LRRK2: variants seen among roughly 807,000 people sequenced by gnomAD.
The protein encoded by LRRK2 is leucine rich repeat kinase 2.
LRRK2 carries 203 observed loss-of-function variants against 302.6 expected under a neutral mutation model. The observed-to-expected ratio is 0.67, with a 90% confidence interval of 0.60 to 0.75. The LOEUF (loss-of-function observed/expected upper bound fraction) is 0.75. Ranked by LOEUF, LRRK2 falls within the 30% of genes least tolerant of loss-of-function variation. The probability of loss-of-function intolerance (pLI) is 0.00; values close to 1 mark genes in which losing one functional copy is unlikely to be tolerated. For missense variants in LRRK2, 2,830 were observed against 2,951.0 expected (o/e 0.96, Z 0.95); for synonymous variants, 1,066 against 1,031.9 (o/e 1.03, Z -0.63).
Position 40,252,606 on chromosome 12 carries a change from CTT to C in LRRK2, c.1182-303_1182-302del, listed in dbSNP as rs547576816. On this transcript the variant is annotated intron_variant, in intron 10 of 50. Coordinates refer to ENST00000298910, the MANE Select transcript of LRRK2 (RefSeq NM_198578.4). ...CTTTACAATTTTCAGTTTTTCCTCTCTTGTTTCCATTCTCTTCTCCTCACTTT... is the reference window on the plus strand; with the variant it reads ...CTTTACAATTTTCAGTTTTTCCTCTCGTTTCCATTCTCTTCTCCTCACTTT... Among the ~76,000 whole-genome samples, 6 of 152,280 alleles carry C rather than the reference CTT, an allele frequency of 3.9e-5. No individual in the cohort carries two copies. In the East Asian group the frequency reaches 9.6e-4, roughly 24 times the overall value.
chr12:40,348,559 A>G (rs375267837), intron 43 of LRRK2, 50 bp downstream of exon 43: 2 of 1,091,588 alleles, frequency 1.8e-6, no homozygotes, highest in African/African-American at 3.1e-5. Flanking sequence ...ATTTGCATAT[A>G]TGCATATATA....
chr12:40,295,533 A>G lies in LRRK2; in HGVS notation c.2985A>G (p.Arg995=). 1 of 1,614,008 alleles carries G rather than the reference A, an allele frequency of 6.2e-7. No homozygotes were observed. Among genetic ancestry groups the G allele is most frequent in the African/African-American group, 1.3e-5 (1 of 75,050 alleles). Residue 995 remains arginine (R), a synonymous_variant, in exon 23 of 51, where the codon AGA becomes AGG. Coordinates refer to ENST00000298910, the MANE Select transcript of LRRK2 (RefSeq NM_198578.4). ...TSLDLSANEL[R]DIDALSQKCC... ...TAGACCTTTCAGCAAATGAACTAAGAGATATTGATGCCCTAAGCCAGAAAT... is the reference window on the plus strand; with the variant it reads ...TAGACCTTTCAGCAAATGAACTAAGGGATATTGATGCCCTAAGCCAGAAAT...
rs11175998 is a variant in LRRK2, at chr12:40,317,414, A to T, written c.4827+2114A>T. On this transcript the variant is annotated intron_variant, in intron 33 of 50. Coordinates refer to ENST00000298910, the MANE Select transcript of LRRK2 (RefSeq NM_198578.4). Reference sequence around the variant, plus strand: ...GCAACTTGTCTGACAGCTATTAGCAAAAATAAATAGGAGTATTCACCTTCA... The same window carrying T: ...GCAACTTGTCTGACAGCTATTAGCATAAATAAATAGGAGTATTCACCTTCA... Among the ~76,000 whole-genome samples the T allele has an allele frequency of 5.5e-4, 84 of 152,268 alleles. 3 individuals carry two copies. In the East Asian group the frequency reaches 0.016, roughly 29 times the overall value.
intron 11 of LRRK2, 39 bp from the exon 12 acceptor site, chr12:40,257,209 T>C (rs200721489): frequency 9.3e-6 from 13 of 1,402,624 alleles, no homozygotes; most frequent in Non-Finnish European, 1.3e-5. Flanking sequence ...TATGAAAATA[T>C]GCTTTCATAT....
intron 41 of LRRK2, 126 bp downstream of exon 41, chr12:40,340,580 G>GA (rs1240901032): frequency 1.0e-6 from 1 of 963,684 alleles, no homozygotes; most frequent in Non-Finnish European, 1.6e-6. Flanking sequence ...TTTATTTTGT[G>GA]AAAAAATGCA....
At chr12:40,295,695 A>G (rs1944360307) in intron 23 of LRRK2, 51 bp downstream of exon 23, 1 of 1,522,532 alleles carries the variant, frequency 6.6e-7, no homozygotes, top group Non-Finnish European at 9.0e-7. Context: ...GAGCTTTTGT[A>G]TTTATATCTA....
intron 31 of LRRK2, among the ~76,000 whole-genome samples, chr12:40,313,696 T>C (rs1411204791): frequency 1.3e-5 from 2 of 151,948 alleles, no homozygotes; most frequent in African/African-American, 4.8e-5. Flanking sequence ...TGTTTTTTTT[T>C]CCATGGAATT....
At chr12:40,265,389 A>T (rs894280670) in intron 14 of LRRK2, among the ~76,000 whole-genome samples, 2 of 152,200 alleles carry the variant, frequency 1.3e-5, no homozygotes, top group Non-Finnish European at 2.9e-5. Flanking sequence ...ATTGCAAAAG[A>T]AAAAGAATAT....
intron 44 of LRRK2, among the ~76,000 whole-genome samples, chr12:40,352,874 C>T (rs10878410): frequency 0.77 from 116,713 of 151,960 alleles, 45,681 homozygotes; most frequent in Non-Finnish European, 0.86. Flanking sequence ...TACACAGACA[C>T]AGCAACAATC....
chr12:40,293,078 T>C (rs1944222054), intron 20 of LRRK2, among the ~76,000 whole-genome samples: 1 of 152,030 alleles, frequency 6.6e-6, no homozygotes, highest in Admixed American at 6.6e-5. Context: ...CTCTCTTTCC[T>C]ATGCTGCTAG....
intron 38 of LRRK2, among the ~76,000 whole-genome samples, chr12:40,327,240 G>A (rs11564175): frequency 0.15 from 22,117 of 152,162 alleles, 1,750 homozygotes; most frequent in African/African-American, 0.19. Flanking sequence ...GAGTAGCAGA[G>A]CTCTTCAAGG....
At chr12:40,281,768 A>T (rs922288838) in intron 18 of LRRK2, among the ~76,000 whole-genome samples, 1 of 152,164 alleles carries the variant, frequency 6.6e-6, no homozygotes, top group Non-Finnish European at 1.5e-5. Flanking sequence ...GATAGTTTGG[A>T]TCCTCCAAGG....
intron 46 of LRRK2, among the ~76,000 whole-genome samples, chr12:40,358,652 T>G (rs1435384609): frequency 6.6e-6 from 1 of 152,192 alleles, no homozygotes. Context: ...AGTCAGGTAG[T>G]GTGATGCCTC....
chr12:40,266,154 G>C (rs931043214), intron 14 of LRRK2, among the ~76,000 whole-genome samples: 8 of 152,114 alleles, frequency 5.3e-5, no homozygotes, highest in African/African-American at 7.2e-5. Context: ...TGACAAATGG[G>C]ATCTAATTAA....
At chr12:40,347,584 G>A (rs2136978911) in intron 42 of LRRK2, among the ~76,000 whole-genome samples, 1 of 152,300 alleles carries the variant, frequency 6.6e-6, no homozygotes. Flanking sequence ...TCAAGATCAT[G>A]GCAAAAGAAA....
At chr12:40,287,691 G>C in intron 20 of LRRK2, 152 bp downstream of exon 20, 1 of 747,916 alleles carries the variant, frequency 1.3e-6, no homozygotes. Context: ...ACTAATTTTG[G>C]TTAAAGTGAT....
chr12:40,351,936 G>A (rs1010471364), intron 44 of LRRK2, among the ~76,000 whole-genome samples: 2 of 152,188 alleles, frequency 1.3e-5, no homozygotes, highest in Non-Finnish European at 2.9e-5. Context: ...AACAGAGCCT[G>A]AGATGGGTTA....
Position 40,351,549 on chromosome 12 carries a change from T to G in LRRK2, c.6392T>G (p.Ile2131Ser), listed in dbSNP as rs1312108198. 2 of 1,614,138 alleles carry G rather than the reference T, an allele frequency of 1.2e-6. No individual in the cohort carries two copies. Among genetic ancestry groups the G allele is most frequent in the East Asian group, 2.2e-5 (1 of 44,876 alleles). Residue 2131 changes from isoleucine (I) to serine (S), a missense_variant, in exon 44 of 51, where the codon ATT becomes AGT. Transcript: ENST00000298910. The stretch of plus-strand genomic sequence containing the variant: ...TTTAAACTTTCTCAGGTCTTTGACA[T>G]TTTGAATTCAGCTGAATTAGTCTGT... ...ERPTSAQVFD[I>S]LNSAELVCLT...
At position 40,283,958 on chromosome 12, in the gene LRRK2, G is replaced by A; in HGVS notation, c.2325G>A (p.Leu775=). The change falls in exon 19 of 51, where the codon TTG becomes TTA. Residue 775 remains leucine (L), a synonymous_variant. Transcript: ENST00000298910. ...GSREQDVRKA[L]TISIGKGDSQ... ...GTGAACAAGATGTACGAAAAGCGTTGACGATAAGCATTGGGAAAGGTGACA... is the reference window on the plus strand; with the variant it reads ...GTGAACAAGATGTACGAAAAGCGTTAACGATAAGCATTGGGAAAGGTGACA... 1.2e-6 allele frequency: 2 copies of A among 1,613,950 alleles called. No homozygotes were observed. The highest frequency in any genetic ancestry group is 2.2e-5 in the South Asian group (2 of 91,068).
Sources: allele counts gnomAD v4.1 joint callset (sites outside exome capture counted in the v4.1 genomes callset), GRCh38; gene constraint gnomAD v4.1.1; transcripts MANE v1.5; gene names NCBI Gene and HGNC (gene_info 2026-07-23, HGNC 2026-07-21).